PCDHGA12: variants seen among roughly 807,000 people sequenced by gnomAD.
PCDHGA12 encodes the protein protocadherin gamma subfamily A, 12.
A neutral mutation model predicts 61.1 loss-of-function variants in PCDHGA12; 43 were observed. The observed-to-expected ratio is 0.70, with a 90% CI of 0.55 to 0.91. The LOEUF (loss-of-function observed/expected upper bound fraction) is 0.91. PCDHGA12 is among the 40% of genes least tolerant of loss of function. PCDHGA12 has a pLI of 0.00. For missense variants in PCDHGA12, 1,236 were observed against 1,227.7 expected, an observed-to-expected ratio of 1.01 and a Z score of -0.10; for synonymous variants, 520 against 542.9, an observed-to-expected ratio of 0.96 and a Z score of 0.59.
At position 141,477,372 on chromosome 5, in the gene PCDHGA12, CTG is replaced by C; in HGVS notation, c.2425-17432_2425-17431del. On this transcript the variant is annotated intron_variant, in intron 1 of 3. Transcript: ENST00000252085. This position sits in a 1 kb window ranked among gnomAD's most constrained non-coding sequence, Gnocchi z 4.9. ...ACCAGTGCAGACCTGGATCGGGAGA[CTG>C]TGCCAGAATACAACCTCAGCATCAC... The C allele has an allele frequency of 6.2e-7, 1 of 1,614,154 alleles. No homozygotes were observed. The highest frequency in any genetic ancestry group is 8.5e-7 in the Non-Finnish European group (1 of 1,180,030).
Position 141,432,195 on chromosome 5 carries a change from C to A in PCDHGA12, c.1436C>A (p.Pro479His), listed in dbSNP as rs1334965321. ...VSLVSVTAHD[P>H]DCEENAQITY... ...CTCGTCTCTGTGACCGCCCACGACC[C>A]CGACTGTGAAGAGAACGCCCAGATC... The change falls in exon 1 of 4, where the codon CCC (proline) becomes CAC (histidine). Residue 479 changes from proline to histidine, a missense_variant. Pro to His is a moderately conservative substitution (Grantham distance 77, BLOSUM62 -2). Transcript: ENST00000252085. This position sits in a 1 kb window ranked among gnomAD's most constrained non-coding sequence, Gnocchi z 6.0. 22 of 1,614,088 alleles carry A rather than the reference C, an allele frequency of 1.4e-5. No homozygotes were observed. The highest frequency in any genetic ancestry group is 1.9e-5 in the Non-Finnish European group (22 of 1,180,058).
Position 141,462,764 on chromosome 5 carries a change from G to C in PCDHGA12, c.2424+29581G>C, listed in dbSNP as rs150842317. Among the ~76,000 whole-genome samples, 589 of 152,084 alleles carry C rather than the reference G, an allele frequency of 3.9e-3. 5 individuals are homozygous for C. Among genetic ancestry groups the C allele is most frequent in the Admixed American group, 0.011 (169 of 15,274 alleles). ...AATTCCTATGATGATTTTCTTCCTG[G>C]CTTGGGGTCATAATTTGTTGCTTAT... On this transcript the variant is annotated intron_variant, in intron 1 of 3. Transcript: ENST00000252085.
chr5:141,508,800 C>A (rs973992018), intron 3 of PCDHGA12, among the ~76,000 whole-genome samples: 1 of 152,086 alleles, frequency 6.6e-6, no homozygotes, highest in African/African-American at 2.4e-5. Context: ...CTCTGGAATC[C>A]TGGCTCTTTG....
Position 141,477,468 on chromosome 5 carries a change from A to G in PCDHGA12, c.2425-17339A>G. ...GTGCGTGTTCAAGTGTCCGACATCA[A>G]TGACAACCCTCCACAATCTTCTCAA... is the stretch of plus-strand genomic sequence containing the variant. On this transcript the variant is annotated intron_variant, in intron 1 of 3. Transcript: ENST00000252085. This position sits in a 1 kb window ranked among gnomAD's most constrained non-coding sequence, Gnocchi z 4.9. 6.2e-7 allele frequency: 1 copy of G among 1,614,158 alleles called. No homozygotes were observed. Among genetic ancestry groups the G allele is most frequent in the Non-Finnish European group, 8.5e-7 (1 of 1,180,022 alleles).
intron 1 of PCDHGA12, among the ~76,000 whole-genome samples, chr5:141,488,571 A>G (rs2099677106): frequency 6.6e-6 from 1 of 152,194 alleles, no homozygotes; most frequent in East Asian, 1.9e-4. Flanking sequence ...TCCGCAAAGC[A>G]TTGCTGGAGA....
intron 1 of PCDHGA12, among the ~76,000 whole-genome samples, chr5:141,446,698 G>A (rs750413432): frequency 2.0e-5 from 3 of 152,186 alleles, no homozygotes; most frequent in Admixed American, 6.5e-5. Flanking sequence ...GGCTGGTCTC[G>A]AACTCTGATC....
chr5:141,469,830 A>G (rs184478661), intron 1 of PCDHGA12, among the ~76,000 whole-genome samples: 1 of 152,124 alleles, frequency 6.6e-6, no homozygotes, highest in African/African-American at 2.4e-5. Flanking sequence ...GGTCACATAA[A>G]ACTTATTCTT....
intron 1 of PCDHGA12, among the ~76,000 whole-genome samples, chr5:141,450,267 C>T (rs971441306): frequency 4.6e-5 from 7 of 152,106 alleles, no homozygotes; most frequent in African/African-American, 1.7e-4. Context: ...ATCTGCCCAC[C>T]TCAGCTAAGT....
chr5:141,453,266 A>G (rs1322091044), intron 1 of PCDHGA12, among the ~76,000 whole-genome samples: 4 of 151,838 alleles, frequency 2.6e-5, no homozygotes. Flanking sequence ...AGTGCACACC[A>G]CCATGACTGG....
chr5:141,432,823 C>A lies in PCDHGA12; in HGVS notation c.2064C>A (p.Asp688Glu). 1 of 1,614,184 alleles carries A rather than the reference C, an allele frequency of 6.2e-7. No homozygotes were observed. Among genetic ancestry groups the A allele is most frequent in the Non-Finnish European group, 8.5e-7 (1 of 1,180,004 alleles). The change falls in exon 1 of 4, where the codon GAC becomes GAA. Residue 688 changes from aspartate to glutamate, a missense_variant. Physicochemically the swap from Asp to Glu is conservative, Grantham distance 45 (BLOSUM62 2). Transcript: ENST00000252085. The surrounding 1 kb of genome is among the most constrained non-coding windows in gnomAD (Gnocchi z 6.0). ...CTCCAGCTAACTCTGAAACCTCAGA[C>A]CTCACTCTGTACCTGGTGGTAGCGG... ...LESPANSETS[D>E]LTLYLVVAVA... is the part of the protein sequence containing the mutation.
Position 141,490,973 on chromosome 5 carries a change from G to A in PCDHGA12, c.2425-3834G>A, listed in dbSNP as rs774983500. 5.0e-6 allele frequency: 8 copies of A among 1,613,932 alleles called. No homozygotes were observed. The highest frequency in any genetic ancestry group is 2.2e-5 in the East Asian group (1 of 44,878). On this transcript the variant is annotated intron_variant, in intron 1 of 3. Transcript: ENST00000252085. The surrounding 1 kb of genome is among the most constrained non-coding windows in gnomAD (Gnocchi z 5.4). ...GACTGGGAACACTCAGCCCCCCAGC[G>A]TCTCCCTCGCTCTGCTCCTCCTGGC...
rs1452602466 is a variant in PCDHGA12 at position 141,481,941 on chromosome 5, C to A, written c.2425-12866C>A. Among the ~76,000 whole-genome samples, 4 of 146,990 alleles carry A rather than the reference C, an allele frequency of 2.7e-5. No individual in the cohort carries two copies. The Admixed American group carries it at 2.7e-4, about 10-fold the overall frequency. On this transcript the variant is annotated intron_variant, in intron 1 of 3. Coordinates refer to ENST00000252085, the MANE Select transcript of PCDHGA12 (RefSeq NM_003735.3). ...AAAAAAAAAAAAAAAAAAAATCAGC[C>A]AGATGTGGTGGCAGGTGCCTGTAGT...
At chr5:141,469,408 C>A (rs765861544) in intron 1 of PCDHGA12, among the ~76,000 whole-genome samples, 20 of 152,008 alleles carry the variant, frequency 1.3e-4, no homozygotes, top group Non-Finnish European at 2.6e-4. Flanking sequence ...AACCCCGTTT[C>A]TACTAAAAAT....
At chr5:141,471,963 T>C (rs2024084) in intron 1 of PCDHGA12, among the ~76,000 whole-genome samples, 27,680 of 152,068 alleles carry the variant, frequency 0.18, 3,629 homozygotes, top group African/African-American at 0.37. Context: ...GTGGGGTTGG[T>C]TGCATTACTG....
intron 1 of PCDHGA12, among the ~76,000 whole-genome samples, chr5:141,483,652 G>A (rs746306843): frequency 2.0e-5 from 3 of 151,916 alleles, no homozygotes; most frequent in Non-Finnish European, 4.4e-5. Context: ...GTGTGTTTGT[G>A]TGTGTGTGTG....
At chr5:141,472,998 GAAAGAA>G (rs1489589280) in intron 1 of PCDHGA12, among the ~76,000 whole-genome samples, 8 of 134,744 alleles carry the variant, frequency 5.9e-5, no homozygotes, top group South Asian at 2.3e-4. Flanking sequence ...AAAAAAAAAA[GAAAGAA>G]AAAGAAAAAG....
At chr5:141,510,519 C>A (rs182721864) in intron 3 of PCDHGA12, among the ~76,000 whole-genome samples, 1 of 152,260 alleles carries the variant, frequency 6.6e-6, no homozygotes, top group East Asian at 1.9e-4. Context: ...CGTGTCACAG[C>A]CCTGAGAGAA....
intron 2 of PCDHGA12, among the ~76,000 whole-genome samples, chr5:141,503,295 T>C (rs567706089): frequency 6.6e-6 from 1 of 152,070 alleles, no homozygotes; most frequent in Non-Finnish European, 1.5e-5. Context: ...TACATAGAAA[T>C]TGCTCAAGAA....
Position 141,477,782 on chromosome 5 carries a change from T to G in PCDHGA12, c.2425-17025T>G, listed in dbSNP as rs763675478. 1.2e-5 allele frequency: 20 copies of G among 1,613,902 alleles called. No individual in the cohort carries two copies. Among genetic ancestry groups the G allele is most frequent in the Non-Finnish European group, 1.7e-5 (20 of 1,180,042 alleles). ...AGCCACCAACATCAGCGTGAACATA[T>G]TTGTCACTGATCGCAATGACAATGC... On this transcript the variant is annotated intron_variant, in intron 1 of 3. Coordinates refer to ENST00000252085, the MANE Select transcript of PCDHGA12 (RefSeq NM_003735.3). The surrounding 1 kb of genome is among the most constrained non-coding windows in gnomAD (Gnocchi z 4.9).
Sources: gnomAD v4.1 joint callset for allele counts (sites outside exome capture counted in the v4.1 genomes callset) on GRCh38, gnomAD v4.1.1 for gene constraint, Gnocchi (gnomAD v3.1) non-coding constraint, MANE v1.5 for transcripts, NCBI Gene and HGNC (gene_info 2026-07-23, HGNC 2026-07-21) for gene names.